The following APH1B variants were observed in gnomAD, a reference collection of about 807,000 sequenced individuals.
APH1B encodes the protein aph-1B gamma-secretase subunit.
In APH1B, 27 loss-of-function variants were observed where a neutral mutation model predicts 28.2. The ratio of observed to expected loss-of-function variants is 0.96; its 90% CI spans 0.70 to 1.32. The LOEUF (loss-of-function observed/expected upper bound fraction) is 1.32, where lower values mean the gene tolerates loss of function less well. APH1B is among the 40% of genes most tolerant of loss of function. The pLI is 0.00. For missense variants in APH1B, 305 were observed against 313.6 expected (o/e 0.97, Z 0.21); for synonymous variants, 141 against 124.6 (o/e 1.13, Z -0.88).
At chr15:63,283,458 G>T (rs1227585439) in intron 2 of APH1B, among the ~76,000 whole-genome samples, 1 of 152,082 alleles carries the variant, frequency 6.6e-6, no homozygotes, top group Non-Finnish European at 1.5e-5. Flanking sequence ...TCAAACTCCT[G>T]AGCTCAAGCG....
chr15:63,305,761 T>C lies in APH1B; in HGVS notation c.754T>C (p.Tyr252His). The change falls in exon 6 of 6, where the codon TAC (tyrosine) becomes CAC (histidine). Residue 252 changes from tyrosine to histidine, a missense_variant. Physicochemically the swap from Tyr to His is moderately conservative, Grantham distance 83 (BLOSUM62 2). Coordinates refer to ENST00000261879, the MANE Select transcript of APH1B (RefSeq NM_031301.4). The stretch of plus-strand genomic sequence containing the variant: ...CTGCCAAGACAAGAACTTTCTTCTT[T>C]ACAACCAGCGCTCCAGATAACCTCA... The part of the protein sequence containing the change: ...LLCQDKNFLL[Y>H]NQRSR The C allele has an allele frequency of 6.2e-7, 1 of 1,614,064 alleles. No homozygotes were observed. The highest frequency in any genetic ancestry group is 8.5e-7 in the Non-Finnish European group (1 of 1,179,994).
intron 4 of APH1B, among the ~76,000 whole-genome samples, chr15:63,294,680 A>T (rs1272601451): frequency 6.6e-6 from 1 of 152,190 alleles, no homozygotes. Flanking sequence ...TCTTTGGAGG[A>T]ATTAATCAGC....
At chr15:63,302,976 T>C (rs1376561263) in intron 5 of APH1B, among the ~76,000 whole-genome samples, 3 of 152,186 alleles carry the variant, frequency 2.0e-5, no homozygotes, top group African/African-American at 4.8e-5. Flanking sequence ...CAGTAAATGT[T>C]GGTGTATATT....
At chr15:63,287,049 A>C (rs1165071449) in intron 3 of APH1B, 1 of 233,492 alleles carries the variant, frequency 4.3e-6, no homozygotes, top group East Asian at 1.0e-4. Context: ...TCAGGAATAC[A>C]CAGTTCCCCT....
At chr15:63,291,573 A>G (rs1022159416) in intron 4 of APH1B, 1 of 152,236 alleles carries the variant, frequency 6.6e-6, no homozygotes, top group Non-Finnish European at 1.5e-5. Context: ...TCAGTATGAT[A>G]GAAGATCTAG....
intron 3 of APH1B, among the ~76,000 whole-genome samples, chr15:63,286,902 G>A (rs1246199966): frequency 6.6e-6 from 1 of 152,170 alleles, no homozygotes; most frequent in East Asian, 1.9e-4. Context: ...AGATTTTCTA[G>A]ATGATGAAAC....
chr15:63,285,787 G>A (rs2038439106), intron 2 of APH1B, among the ~76,000 whole-genome samples: 1 of 152,160 alleles, frequency 6.6e-6, no homozygotes, highest in East Asian at 1.9e-4. Context: ...GCAGTATTCT[G>A]TTCTTTCATT....
chr15:63,279,811 T>C (rs1299073423), intron 2 of APH1B, among the ~76,000 whole-genome samples: 1 of 151,932 alleles, frequency 6.6e-6, no homozygotes, highest in East Asian at 1.9e-4. Context: ...TTTTTTTTTT[T>C]TTGAGACAGA....
intron 4 of APH1B, among the ~76,000 whole-genome samples, chr15:63,294,396 C>G (rs1234872224): frequency 1.3e-5 from 2 of 152,190 alleles, no homozygotes; most frequent in African/African-American, 4.8e-5. Context: ...GGGAATTTGG[C>G]CTGGGAATCC....
rs1333170816 is a variant in APH1B at position 63,286,589 on chromosome 15, C to A, written c.316C>A (p.Pro106Thr). 3.1e-6 allele frequency: 5 copies of A among 1,606,366 alleles called. No homozygotes were observed. The highest frequency in any genetic ancestry group is 3.4e-6 in the Non-Finnish European group (4 of 1,177,182). Residue 106 changes from proline to threonine, a missense_variant, in exon 3 of 6, where the codon CCA (proline) becomes ACA (threonine). By Grantham distance (38) the Pro-to-Thr change is conservative (BLOSUM62 -1). Transcript: ENST00000261879. ...CAGTGAAGGTTTGAAGAGTATAAAC[C>A]CAGGTGAGACAGCACCCTCTATGCG... ...KASEGLKSIN[P>T]GETAPSMRLL...
chr15:63,287,372 G>T, intron 3 of APH1B, 52 bp from the exon 4 acceptor site: 1 of 1,603,024 alleles, frequency 6.2e-7, no homozygotes, highest in South Asian at 1.1e-5. Context: ...TTGGAAATTT[G>T]ACTTGAAATC....
intron 4 of APH1B, among the ~76,000 whole-genome samples, chr15:63,289,771 G>A (rs2038485173): frequency 6.6e-6 from 1 of 152,216 alleles, no homozygotes; most frequent in Non-Finnish European, 1.5e-5. Flanking sequence ...GGGAAGCCAA[G>A]GCAGGAGAAT....
intron 4 of APH1B, among the ~76,000 whole-genome samples, chr15:63,288,275 A>G (rs2038468471): frequency 6.6e-6 from 1 of 152,192 alleles, no homozygotes; most frequent in Admixed American, 6.5e-5. Context: ...TTATCCTCTA[A>G]TAAGGGAATA....
chr15:63,280,624 T>A (rs2038376525), intron 2 of APH1B, among the ~76,000 whole-genome samples: 1 of 152,240 alleles, frequency 6.6e-6, no homozygotes, highest in Admixed American at 6.5e-5. Context: ...AGGAAGCCAT[T>A]GCTTAGAAGC....
intron 1 of APH1B, chr15:63,278,173 A>C (rs1304435555): frequency 5.1e-6 from 2 of 393,332 alleles, no homozygotes; most frequent in Non-Finnish European, 1.0e-5. Flanking sequence ...GTGCTTTAAA[A>C]CATGCCGATG....
Position 63,300,996 on chromosome 15 carries a change from C to T in APH1B, c.479-1349C>T, listed in dbSNP as rs993102126. On this transcript the variant is annotated intron_variant, in intron 4 of 5. Coordinates refer to ENST00000261879, the MANE Select transcript of APH1B (RefSeq NM_031301.4). ...CTTAAACTTATATATGCTCCTTGTG[C>T]AGATGTGTACGTTTCTCTAGAGCAA... 2.7e-4 allele frequency among the ~76,000 whole-genome samples: 41 copies of T among 152,192 alleles called. 1 individual carries two copies. The highest frequency in any genetic ancestry group is 2.0e-4 in the Admixed American group (3 of 15,278).
At chr15:63,294,534 AG>A (rs1049799075) in intron 4 of APH1B, among the ~76,000 whole-genome samples, 3 of 152,208 alleles carry the variant, frequency 2.0e-5, no homozygotes, top group African/African-American at 7.2e-5. Context: ...GGTTCACGTC[AG>A]GGTTCCTGCA....
At position 63,301,600 on chromosome 15, in the gene APH1B, CT is replaced by C. The variant is rs911176475; in HGVS notation, c.479-733del. 5.9e-3 allele frequency among the ~76,000 whole-genome samples: 846 copies of C among 144,606 alleles called. 4 individuals carry two copies. The highest frequency in any genetic ancestry group is 8.6e-3 in the African/African-American group (342 of 39,598). 94.9% of individuals were successfully genotyped at this position (144,606 alleles called of 152,430 possible). Reference sequence around the variant, plus strand: ...TATTTTTCTTTTCTTTCTTCTTCTTCTTTTTTTTTTTTGCTCTGTTGCCGAG... The same window carrying C: ...TATTTTTCTTTTCTTTCTTCTTCTTCTTTTTTTTTTTGCTCTGTTGCCGAG... On this transcript the variant is annotated intron_variant, in intron 4 of 5. Coordinates refer to ENST00000261879, the MANE Select transcript of APH1B (RefSeq NM_031301.4).
At chr15:63,282,184 C>A (rs1349241420) in intron 2 of APH1B, among the ~76,000 whole-genome samples, 1 of 152,132 alleles carries the variant, frequency 6.6e-6, no homozygotes, top group Non-Finnish European at 1.5e-5. Flanking sequence ...CTCTCTTATT[C>A]TATATTGCAT....
Sources: gnomAD v4.1 joint callset for allele counts (sites outside exome capture counted in the v4.1 genomes callset) on GRCh38, gnomAD v4.1.1 for gene constraint, MANE v1.5 for transcripts, NCBI Gene and HGNC (gene_info 2026-07-23, HGNC 2026-07-21) for gene names.